NELL1: variants seen among roughly 807,000 people sequenced by gnomAD.
The protein encoded by NELL1 is neural EGFL like 1.
In NELL1, 76 loss-of-function variants were observed where a neutral mutation model predicts 107.4. The ratio of observed to expected loss-of-function variants is 0.71; its 90% confidence interval spans 0.59 to 0.86. NELL1 has a LOEUF of 0.86. NELL1 is among the 40% of genes least tolerant of loss of function. The pLI, the probability that NELL1 is intolerant of heterozygous loss-of-function variation, is 0.00. For missense variants in NELL1, 1,024 were observed against 1,005.5 expected (o/e 1.02, Z -0.25); for synonymous variants, 353 against 341.2 (o/e 1.03, Z -0.38).
intron 13 of NELL1, among the ~76,000 whole-genome samples, chr11:21,213,653 A>T: frequency 6.6e-6 from 1 of 152,186 alleles, no homozygotes; most frequent in East Asian, 1.9e-4. Flanking sequence ...CACAAAGATC[A>T]ATAGAACAGA....
chr11:21,117,032 T>C (rs566779681), intron 13 of NELL1, among the ~76,000 whole-genome samples: 1 of 152,156 alleles, frequency 6.6e-6, no homozygotes, highest in Admixed American at 6.6e-5. Flanking sequence ...CATTATGACA[T>C]GGCCATGCTG....
chr11:21,361,520 G>A (rs957280191), intron 14 of NELL1, among the ~76,000 whole-genome samples: 1 of 151,902 alleles, frequency 6.6e-6, no homozygotes, highest in Non-Finnish European at 1.5e-5. Flanking sequence ...ATCACATTTG[G>A]ATGTCTAGAT....
intron 15 of NELL1, among the ~76,000 whole-genome samples, chr11:21,386,518 T>C (rs186838362): frequency 2.2e-4 from 34 of 152,050 alleles, no homozygotes; most frequent in Middle Eastern, 3.4e-3. Context: ...TGGCCAGATA[T>C]AGTATTTTCC....
Position 21,374,897 on chromosome 11 carries a change from G to A in NELL1, c.1645+3949G>A, listed in dbSNP as rs1043169283. ...ACTGACTGTGTGTGTCTGTGTGTGTGTGTGTGTGTGTGTGTGTGTGTGTGT... is the reference window on the plus strand; with the variant it reads ...ACTGACTGTGTGTGTCTGTGTGTGTATGTGTGTGTGTGTGTGTGTGTGTGT... On this transcript the variant is annotated intron_variant, in intron 15 of 19. Coordinates refer to ENST00000357134, the MANE Select transcript of NELL1 (RefSeq NM_006157.5). Among the ~76,000 whole-genome samples the A allele has an allele frequency of 2.8e-4, 39 of 141,804 alleles. No homozygotes were observed. In the South Asian group the frequency reaches 7.9e-3, roughly 29 times the overall value. 93.0% of individuals were successfully genotyped at this position (141,804 alleles called of 152,430 possible).
At chr11:21,115,255 G>T (rs565253957) in intron 13 of NELL1, among the ~76,000 whole-genome samples, 9 of 151,912 alleles carry the variant, frequency 5.9e-5, no homozygotes, top group Non-Finnish European at 4.4e-5. Context: ...AACAGTGTGG[G>T]TATCAGTGGG....
chr11:21,534,420 C>G lies in NELL1; in HGVS notation c.1692C>G (p.Ser564=). ...GAATCATTGAGTGCCACAACCATTC[C>G]CGCTGCGTTAACCTGCCAGGGTGGT... ...SEGIIECHNH[S]RCVNLPGWYH... Residue 564 remains serine (S), a synonymous_variant, in exon 16 of 20, where the codon TCC becomes TCG. Transcript: ENST00000357134. The G allele has an allele frequency of 6.2e-7, 1 of 1,613,842 alleles. No individual in the cohort carries two copies. Among genetic ancestry groups the G allele is most frequent in the East Asian group, 2.2e-5 (1 of 44,834 alleles).
At chr11:21,427,753 A>G (rs1458780973) in intron 15 of NELL1, among the ~76,000 whole-genome samples, 1 of 152,192 alleles carries the variant, frequency 6.6e-6, no homozygotes, top group African/African-American at 2.4e-5. Flanking sequence ...TTCCTGTTGA[A>G]TGGCATAATT....
intron 12 of NELL1, among the ~76,000 whole-genome samples, chr11:21,048,747 T>C (rs185306450): frequency 3.9e-5 from 6 of 152,278 alleles, no homozygotes; most frequent in East Asian, 1.9e-4. Flanking sequence ...TTCCCTTCCA[T>C]GCACATGGAA....
intron 3 of NELL1, among the ~76,000 whole-genome samples, chr11:20,817,965 G>A (rs957388139): frequency 4.0e-5 from 6 of 151,896 alleles, no homozygotes; most frequent in African/African-American, 1.5e-4. Context: ...TTATTTCACT[G>A]TGGTCCGAGA....
chr11:21,549,461 G>A (rs71488784), intron 16 of NELL1, among the ~76,000 whole-genome samples: 2,052 of 151,958 alleles, frequency 0.014, 22 homozygotes, highest in Non-Finnish European at 0.022. Context: ...TGATTCTGTT[G>A]TTTGTTTCCT....
chr11:21,232,908 C>T (rs1263723383), intron 14 of NELL1, among the ~76,000 whole-genome samples: 1 of 152,190 alleles, frequency 6.6e-6, no homozygotes, highest in Non-Finnish European at 1.5e-5. Context: ...CTGCTTCAGC[C>T]TCCCAAACGG....
intron 14 of NELL1, among the ~76,000 whole-genome samples, chr11:21,277,814 C>T: frequency 6.6e-6 from 1 of 152,202 alleles, no homozygotes; most frequent in Admixed American, 6.5e-5. Context: ...AAACCAAACA[C>T]TGCGTGTTCT....
chr11:21,411,520 G>T (rs1852376049), intron 15 of NELL1, among the ~76,000 whole-genome samples: 1 of 152,038 alleles, frequency 6.6e-6, no homozygotes, highest in African/African-American at 2.4e-5. Flanking sequence ...GTGGGTGTTT[G>T]TGTGAAAAAG....
At chr11:21,315,997 A>G (rs1849873319) in intron 14 of NELL1, among the ~76,000 whole-genome samples, 1 of 152,058 alleles carries the variant, frequency 6.6e-6, no homozygotes, top group Non-Finnish European at 1.5e-5. Flanking sequence ...ATTACTTTAT[A>G]TTCTTTCCAT....
intron 12 of NELL1, among the ~76,000 whole-genome samples, chr11:20,967,782 A>G (rs371465514): frequency 6.6e-6 from 1 of 152,184 alleles, no homozygotes; most frequent in Non-Finnish European, 1.5e-5. Context: ...AAGTGTAAGC[A>G]GATTATGCTA....
chr11:21,312,992 C>G (rs941981085), intron 14 of NELL1, among the ~76,000 whole-genome samples: 1 of 151,882 alleles, frequency 6.6e-6, no homozygotes, highest in Non-Finnish European at 1.5e-5. Flanking sequence ...GCAAGAATCC[C>G]TTGAACCTGA....
chr11:21,454,897 A>G (rs1053691801), intron 15 of NELL1, among the ~76,000 whole-genome samples: 2 of 152,348 alleles, frequency 1.3e-5, no homozygotes, highest in Admixed American at 6.5e-5. Context: ...TACCATCACA[A>G]TGGGAGTTAA....
chr11:21,037,977 G>A (rs753470140), intron 12 of NELL1, among the ~76,000 whole-genome samples: 44 of 152,086 alleles, frequency 2.9e-4, no homozygotes, highest in Non-Finnish European at 5.4e-4. Flanking sequence ...GATGTTTGTT[G>A]GTTGTTAAAT....
chr11:20,807,184 T>A (rs1482765243), intron 3 of NELL1, among the ~76,000 whole-genome samples: 1 of 152,168 alleles, frequency 6.6e-6, no homozygotes, highest in Admixed American at 6.5e-5. Flanking sequence ...CCTATGCTTT[T>A]GTGAAGGCTT....
Sources: allele counts gnomAD v4.1 joint callset (sites outside exome capture counted in the v4.1 genomes callset), GRCh38; gene constraint gnomAD v4.1.1; transcripts MANE v1.5; gene names NCBI Gene and HGNC (gene_info 2026-07-23, HGNC 2026-07-21).